XKR9: variants seen among roughly 807,000 people sequenced by gnomAD.
XKR9 encodes the protein XK-related protein 9.
XKR9 carries 32 observed loss-of-function variants against 32.0 expected under a neutral mutation model. That is an observed-to-expected ratio of 1.00 (90% CI 0.76 to 1.34). The LOEUF (loss-of-function observed/expected upper bound fraction) is 1.34, where lower values mean the gene tolerates loss of function less well. XKR9 is among the 40% of genes most tolerant of loss of function. XKR9 has a pLI of 0.00. For synonymous variants in XKR9, 168 were observed against 143.4 expected (o/e 1.17, Z -1.22); for missense variants, 546 against 429.7 (o/e 1.27, Z -2.39).
intron 3 of XKR9, among the ~76,000 whole-genome samples, chr8:70,686,219 CTT>C (rs1367937876): frequency 9.5e-5 from 14 of 147,658 alleles, no homozygotes. Flanking sequence ...ACTCTCAACA[CTT>C]TAAATATTTC....
chr8:71,060,648 A>G, the XKR9 span, among the ~76,000 whole-genome samples: 1 of 152,178 alleles, frequency 6.6e-6, no homozygotes, highest in Non-Finnish European at 1.5e-5. Flanking sequence ...TTGTGGAGAC[A>G]TTGAGGAGAG....
the XKR9 span, among the ~76,000 whole-genome samples, chr8:70,858,179 C>G: frequency 6.6e-6 from 1 of 152,096 alleles, no homozygotes; most frequent in Non-Finnish European, 1.5e-5. Context: ...TCCAATTGTC[C>G]CTGTTTTCAG....
chr8:70,714,924 A>G (rs1324053972), intron 4 of XKR9, among the ~76,000 whole-genome samples: 1 of 152,336 alleles, frequency 6.6e-6, no homozygotes, highest in East Asian at 1.9e-4. Flanking sequence ...TAACAAAGGC[A>G]TAGTTTGACA....
the XKR9 span, among the ~76,000 whole-genome samples, chr8:70,858,140 A>T: frequency 6.6e-6 from 1 of 152,212 alleles, no homozygotes; most frequent in Non-Finnish European, 1.5e-5. Context: ...AGAAGGAAAT[A>T]AAGGGTATTC....
chr8:70,836,573 TA>T, the XKR9 span, among the ~76,000 whole-genome samples: 48,300 of 151,748 alleles, frequency 0.32, 9,049 homozygotes, highest in Non-Finnish European at 0.43. Context: ...AGAATGGATT[TA>T]AAAAAATGAT....
chr8:70,982,249 C>T, the XKR9 span, among the ~76,000 whole-genome samples: 2 of 152,140 alleles, frequency 1.3e-5, no homozygotes, highest in Non-Finnish European at 2.9e-5. Flanking sequence ...ATAGAGTTCC[C>T]AAGACATTAT....
At chr8:70,919,426 A>G in the XKR9 span, among the ~76,000 whole-genome samples, 1 of 152,156 alleles carries the variant, frequency 6.6e-6, no homozygotes, top group Non-Finnish European at 1.5e-5. Flanking sequence ...AAGGGCAAAA[A>G]TATTATAGCA....
intron 3 of XKR9, among the ~76,000 whole-genome samples, chr8:70,694,057 T>C (rs750053769): frequency 2.0e-5 from 3 of 151,920 alleles, no homozygotes; most frequent in Admixed American, 6.6e-5. Flanking sequence ...TGGGCACTTT[T>C]CTGTAGGGCT....
chr8:70,742,679 G>A (rs769801019), intron 2 of XKR9, among the ~76,000 whole-genome samples: 2 of 152,004 alleles, frequency 1.3e-5, no homozygotes, highest in Non-Finnish European at 2.9e-5. Context: ...AGAGTTCTGA[G>A]TTGACAGGTT....
At chr8:70,788,493 A>G (rs755577396) in intron 2 of XKR9, among the ~76,000 whole-genome samples, 3 of 151,874 alleles carry the variant, frequency 2.0e-5, no homozygotes, top group Non-Finnish European at 4.4e-5. Context: ...ACACTGAATC[A>G]TTGAAAGACT....
chr8:71,032,123 A>G, the XKR9 span, among the ~76,000 whole-genome samples: 2 of 151,860 alleles, frequency 1.3e-5, no homozygotes, highest in Admixed American at 1.3e-4. Flanking sequence ...GTGAAATCCT[A>G]TCTCTACTAA....
the XKR9 span, among the ~76,000 whole-genome samples, chr8:70,989,513 AC>A: frequency 6.6e-6 from 1 of 152,200 alleles, no homozygotes; most frequent in Non-Finnish European, 1.5e-5. Context: ...TTAAGACTTT[AC>A]TTGCTGAGCT....
the XKR9 span, among the ~76,000 whole-genome samples, chr8:70,917,595 A>C: frequency 1.3e-5 from 2 of 152,194 alleles, no homozygotes; most frequent in Non-Finnish European, 2.9e-5. Flanking sequence ...AGGAACATCT[A>C]TAGTTTCTGG....
At chr8:70,976,033 G>T in the XKR9 span, among the ~76,000 whole-genome samples, 18 of 152,186 alleles carry the variant, frequency 1.2e-4, no homozygotes, top group African/African-American at 4.3e-4. Context: ...TCATGATTTG[G>T]CTCTCTGTTT....
the XKR9 span, among the ~76,000 whole-genome samples, chr8:71,056,542 G>T: frequency 6.6e-6 from 1 of 152,162 alleles, no homozygotes; most frequent in African/African-American, 2.4e-5. Flanking sequence ...CAATAGCACT[G>T]CACTTACAAG....
chr8:70,889,042 G>T, the XKR9 span, among the ~76,000 whole-genome samples: 1 of 151,936 alleles, frequency 6.6e-6, no homozygotes, highest in Admixed American at 6.6e-5. Flanking sequence ...GCTTTTGGTA[G>T]TATGGTAATT....
At chr8:70,795,227 G>A (rs1358477700), downstream of XKR9, among the ~76,000 whole-genome samples, 7 of 152,012 alleles carry the variant, frequency 4.6e-5, no homozygotes, top group Non-Finnish European at 8.8e-5. Flanking sequence ...GAGAACATAC[G>A]ATATTTGGTT....
chr8:70,845,253 C>G, the XKR9 span, among the ~76,000 whole-genome samples: 1 of 152,178 alleles, frequency 6.6e-6, no homozygotes, highest in Non-Finnish European at 1.5e-5. Context: ...AGTGTCCTAC[C>G]CAACCAACAC....
the XKR9 span, among the ~76,000 whole-genome samples, chr8:70,935,763 C>T: frequency 6.6e-6 from 1 of 152,018 alleles, no homozygotes; most frequent in Admixed American, 6.6e-5. Flanking sequence ...ATATTCAAAA[C>T]TACTTCTGCA....
Sources: gnomAD v4.1 joint callset for allele counts (sites outside exome capture counted in the v4.1 genomes callset) on GRCh38, gnomAD v4.1.1 for gene constraint, MANE v1.5 for transcripts, NCBI Gene and HGNC (gene_info 2026-07-23, HGNC 2026-07-21) for gene names.